The following APOLD1 variants were observed in gnomAD, a reference collection of about 807,000 sequenced individuals.
APOLD1 encodes the protein apolipoprotein L domain-containing protein 1.
A neutral mutation model predicts 15.3 loss-of-function variants in APOLD1; 22 were observed. The ratio of observed to expected loss-of-function variants is 1.44; its 90% CI spans 1.03 to 2.05. APOLD1 has a LOEUF of 2.05. APOLD1 is among the 30% of genes most tolerant of loss of function. The pLI is 0.00. For synonymous variants in APOLD1, 190 were observed against 167.4 expected (o/e 1.13, Z -1.04); for missense variants, 394 against 353.5 (o/e 1.11, Z -0.92).
intron 1 of APOLD1, among the ~76,000 whole-genome samples, chr12:12,764,191 G>T (rs569046361): frequency 1.3e-5 from 2 of 152,234 alleles, no homozygotes; most frequent in South Asian, 4.1e-4. Flanking sequence ...TTGAACTCCT[G>T]GCCTCAGGTG....
At chr12:12,742,660 G>T (rs909435379) in intron 1 of APOLD1, among the ~76,000 whole-genome samples, 1 of 152,124 alleles carries the variant, frequency 6.6e-6, no homozygotes, top group Non-Finnish European at 1.5e-5. Context: ...AGCTACTCAG[G>T]AGGCTGAGGC....
At chr12:12,785,271 T>C (rs1947115318), upstream of APOLD1, among the ~76,000 whole-genome samples, 1 of 152,200 alleles carries the variant, frequency 6.6e-6, no homozygotes, top group African/African-American at 2.4e-5. Context: ...CCCTTTTCTT[T>C]TAAAATATGA....
At chr12:12,741,535 C>T (rs754691496) in intron 1 of APOLD1, among the ~76,000 whole-genome samples, 5 of 152,096 alleles carry the variant, frequency 3.3e-5, no homozygotes, top group South Asian at 2.1e-4. Flanking sequence ...TTTATTGCAA[C>T]GTGGATTGTC....
intron 1 of APOLD1, among the ~76,000 whole-genome samples, chr12:12,728,645 G>A (rs1168605334): frequency 1.7e-5 from 2 of 120,084 alleles, no homozygotes. Flanking sequence ...GCTGGCCTGG[G>A]CAACAGTGAG....
In APOLD1 at chr12:12,763,170, A is replaced by T. The variant is rs79839543; in HGVS notation, c.97-23739A>T. Among the ~76,000 whole-genome samples the T allele has an allele frequency of 5.2e-3, 786 of 152,292 alleles. 25 individuals carry two copies. The East Asian group carries it at 0.089, about 17-fold the overall frequency. On this transcript the variant is annotated intron_variant, in intron 1 of 1. Transcript: ENST00000326765. ...TTGACAATAAAAGTTGTATATACTC[A>T]TTGTGCACAGCATGATGTTTAGATA... is the stretch of plus-strand genomic sequence containing the variant.
At chr12:12,741,040 C>T (rs1946726555) in intron 1 of APOLD1, among the ~76,000 whole-genome samples, 1 of 152,138 alleles carries the variant, frequency 6.6e-6, no homozygotes, top group South Asian at 2.1e-4. Context: ...TTATGTCTCT[C>T]AAAGTCCTTG....
chr12:12,753,018 G>C (rs988558778), intron 1 of APOLD1, among the ~76,000 whole-genome samples: 8 of 152,110 alleles, frequency 5.3e-5, no homozygotes, highest in Non-Finnish European at 1.2e-4. Context: ...TGGGAGGAGG[G>C]GGGTGCACTC....
chr12:12,784,298 T>C (rs939903439), upstream of APOLD1, among the ~76,000 whole-genome samples: 27 of 152,354 alleles, frequency 1.8e-4, no homozygotes, highest in African/African-American at 5.8e-4. Flanking sequence ...TTCCCTCTTG[T>C]CTACCTCCCC....
intron 1 of APOLD1, among the ~76,000 whole-genome samples, chr12:12,739,962 G>A (rs1445388568): frequency 6.7e-6 from 1 of 149,816 alleles, no homozygotes; most frequent in Non-Finnish European, 1.5e-5. Context: ...GACTACAGGT[G>A]TGCACTGCCA....
chr12:12,752,798 G>C (rs1376034378), intron 1 of APOLD1, among the ~76,000 whole-genome samples: 1 of 152,216 alleles, frequency 6.6e-6, no homozygotes, highest in Non-Finnish European at 1.5e-5. Flanking sequence ...GTGGATAGCA[G>C]TGACAGGAAG....
At chr12:12,783,043 T>TA (rs1164062554), upstream of APOLD1, among the ~76,000 whole-genome samples, 1 of 151,562 alleles carries the variant, frequency 6.6e-6, no homozygotes, top group Non-Finnish European at 1.5e-5. Context: ...CCGTCTCTAC[T>TA]AAAAATACAA....
chr12:12,772,281 C>A lies in APOLD1; in HGVS notation c.97-14628C>A, dbSNP rs374534905. Reference sequence around the variant, plus strand: ...CTTTAAATATAAAGACACATATAAACGGGTAGAGAAAGATACACCCTGACA... The same window carrying A: ...CTTTAAATATAAAGACACATATAAAAGGGTAGAGAAAGATACACCCTGACA... On this transcript the variant is annotated intron_variant, in intron 1 of 1. Transcript: ENST00000326765. 5.9e-5 allele frequency among the ~76,000 whole-genome samples: 9 copies of A among 152,178 alleles called. No individual in the cohort carries two copies. In the South Asian group the frequency reaches 1.7e-3, roughly 28 times the overall value.
At chr12:12,778,918 G>T (rs2136396816) in intron 1 of APOLD1, among the ~76,000 whole-genome samples, 1 of 152,146 alleles carries the variant, frequency 6.6e-6, no homozygotes, top group Admixed American at 6.5e-5. Context: ...ACCTTGTAAG[G>T]CCACAGATGA....
chr12:12,733,894 G>A (rs764635939), intron 1 of APOLD1, among the ~76,000 whole-genome samples: 6 of 152,168 alleles, frequency 3.9e-5, no homozygotes, highest in Non-Finnish European at 8.8e-5. Context: ...GTGAGCCACC[G>A]CGCCCAGCCG....
intron 1 of APOLD1, chr12:12,764,532 A>T (rs1412508779): frequency 4.7e-6 from 1 of 212,168 alleles, no homozygotes; most frequent in Non-Finnish European, 1.0e-5. Flanking sequence ...AAACCTCAGT[A>T]TTACCTCTAG....
At chr12:12,764,821 G>A (rs1946932598) in intron 1 of APOLD1, 1 of 345,266 alleles carries the variant, frequency 2.9e-6, no homozygotes, top group South Asian at 2.7e-5. Flanking sequence ...GCCACAGCAT[G>A]GTATGGGGAT....
chr12:12,737,081 T>A (rs996052381), intron 1 of APOLD1, among the ~76,000 whole-genome samples: 6 of 152,366 alleles, frequency 3.9e-5, no homozygotes, highest in Middle Eastern at 3.4e-3. Context: ...AATCTTTTGC[T>A]TCAAGTAGCT....
At chr12:12,727,334 ATATAT>A (rs1190873073) in intron 1 of APOLD1, among the ~76,000 whole-genome samples, 5 of 152,310 alleles carry the variant, frequency 3.3e-5, no homozygotes, top group South Asian at 4.1e-4. Flanking sequence ...GCTAAATAAA[ATATAT>A]TATTAAAATG....
chr12:12,753,679 G>A (rs1946832236), intron 1 of APOLD1, among the ~76,000 whole-genome samples: 1 of 151,742 alleles, frequency 6.6e-6, no homozygotes, highest in Non-Finnish European at 1.5e-5. Context: ...CCTCAAAAAA[G>A]TTCCAGAAAG....
Sources: allele counts gnomAD v4.1 joint callset (sites outside exome capture counted in the v4.1 genomes callset), GRCh38; gene constraint gnomAD v4.1.1; transcripts MANE v1.5; gene names NCBI Gene and HGNC (gene_info 2026-07-23, HGNC 2026-07-21).